The following FAM118B variants were observed in gnomAD, a reference collection of about 807,000 sequenced individuals.
The protein encoded by FAM118B is SIR2 antiphage like 1, also known as protein FAM118B.
FAM118B carries 24 observed loss-of-function variants against 38.5 expected under a neutral mutation model. The observed-to-expected ratio is 0.62, with a 90% CI of 0.45 to 0.88. The LOEUF (loss-of-function observed/expected upper bound fraction) is 0.88, where lower values mean the gene tolerates loss of function less well. Ranked by LOEUF, FAM118B falls within the 40% of genes least tolerant of loss-of-function variation. The pLI, the probability that FAM118B is intolerant of heterozygous loss-of-function variation, is 0.00. For synonymous variants in FAM118B, 138 were observed against 156.3 expected (o/e 0.88, Z 0.87); for missense variants, 334 against 420.0 (o/e 0.80, Z 1.79).
At chr11:126,212,236 C>G (rs1278686422) in intron 1 of FAM118B, among the ~76,000 whole-genome samples, 2 of 152,192 alleles carry the variant, frequency 1.3e-5, no homozygotes, top group Non-Finnish European at 2.9e-5. Context: ...CTTCCCTTAT[C>G]CAGGGCCCCC....
chr11:126,251,731 C>CTT lies in FAM118B; in HGVS notation c.567+1014_567+1015dup, dbSNP rs1253065266. On this transcript the variant is annotated intron_variant, in intron 5 of 8. Transcript: ENST00000533050. ...TGTAGCACTTAGTATTAACTTGCAG[C>CTT]TTTTTTTTTTTTTTTTTGAGAGACA... 1.8e-4 allele frequency among the ~76,000 whole-genome samples: 25 copies of CTT among 137,436 alleles called. No homozygotes were observed. In the South Asian group the frequency reaches 2.3e-3, roughly 13 times the overall value. 90.2% of individuals were successfully genotyped at this position (137,436 alleles called of 152,430 possible). A position where few individuals can be genotyped will look rare whatever the true frequency, so the allele number is the denominator to read the frequency against.
At chr11:126,240,717 C>T in intron 3 of FAM118B, 75 bp from the exon 4 acceptor site, 8 of 1,419,190 alleles carry the variant, frequency 5.6e-6, no homozygotes, top group Non-Finnish European at 7.5e-6. Context: ...AAACTGTAAC[C>T]TGAGTCAGAC....
intron 1 of FAM118B, among the ~76,000 whole-genome samples, chr11:126,212,518 A>G (rs1428604210): frequency 6.6e-6 from 1 of 152,214 alleles, no homozygotes; most frequent in East Asian, 1.9e-4. Flanking sequence ...GGTGGCTGGG[A>G]AGATAAACAT....
At chr11:126,218,636 C>A (rs1950014978) in intron 1 of FAM118B, among the ~76,000 whole-genome samples, 1 of 152,004 alleles carries the variant, frequency 6.6e-6, no homozygotes, top group African/African-American at 2.4e-5. Context: ...TGTGGGATTT[C>A]TTTGAATGTC....
chr11:126,222,921 TA>T (rs1950083639), intron 1 of FAM118B, among the ~76,000 whole-genome samples: 1 of 152,152 alleles, frequency 6.6e-6, no homozygotes, highest in African/African-American at 2.4e-5. Flanking sequence ...TAATTGCAAG[TA>T]CTGTGAGATA....
chr11:126,230,059 C>G (rs1565328774), intron 2 of FAM118B, among the ~76,000 whole-genome samples: 1 of 152,102 alleles, frequency 6.6e-6, no homozygotes, highest in Non-Finnish European at 1.5e-5. Context: ...AGGAGCCAAT[C>G]GAGTTCACCA....
chr11:126,229,938 G>A (rs1050721006), intron 2 of FAM118B, among the ~76,000 whole-genome samples: 1 of 152,232 alleles, frequency 6.6e-6, no homozygotes, highest in Non-Finnish European at 1.5e-5. Flanking sequence ...AGTGGCATCA[G>A]TCTGGCATTT....
Position 126,240,966 on chromosome 11 carries a change from CA to C in FAM118B, c.266del (p.Lys89SerfsTer64), listed in dbSNP as rs760220899. ...DFDLLEDEES[K>X]KFQKCLHEDK... is the part of the protein sequence containing the mutation. ...TTGATCTTTTAGAAGATGAGGAGAG[CA>C]AAAAGTTTCAGAAATGTCTCCATGA... On this transcript the variant is annotated frameshift_variant, in exon 4 of 9. Coordinates refer to ENST00000533050, the MANE Select transcript of FAM118B (RefSeq NM_024556.4). LOFTEE classifies it high-confidence loss of function. The C allele has an allele frequency of 6.8e-6, 11 of 1,613,722 alleles. No individual in the cohort carries two copies. The highest frequency in any genetic ancestry group is 1.3e-5 in the African/African-American group (1 of 74,876).
At position 126,252,801 on chromosome 11, in the gene FAM118B, G is replaced by A. The variant is rs927611903; in HGVS notation, c.568-1504G>A. Among the ~76,000 whole-genome samples, 10 of 152,144 alleles carry A rather than the reference G, an allele frequency of 6.6e-5. No homozygotes were observed. Among genetic ancestry groups the A allele is most frequent in the African/African-American group, 1.4e-4 (6 of 41,432 alleles). ...TGTAATCCCAGCATTTTGGGTGGCC[G>A]AGGTGGGTGGATCACTTGAGGTCAG... is the stretch of plus-strand genomic sequence containing the variant. On this transcript the variant is annotated intron_variant, in intron 5 of 8. Coordinates refer to ENST00000533050, the MANE Select transcript of FAM118B (RefSeq NM_024556.4). This position sits in a 1 kb window ranked among gnomAD's most constrained non-coding sequence, Gnocchi z 4.7.
intron 7 of FAM118B, among the ~76,000 whole-genome samples, chr11:126,259,881 C>T (rs1002906256): frequency 4.0e-5 from 6 of 151,420 alleles, no homozygotes; most frequent in Non-Finnish European, 8.8e-5. Context: ...CCACCACACC[C>T]GGCTAATTTT....
At chr11:126,216,157 C>T (rs769643609) in intron 1 of FAM118B, among the ~76,000 whole-genome samples, 5 of 152,166 alleles carry the variant, frequency 3.3e-5, no homozygotes, top group Non-Finnish European at 5.9e-5. Context: ...AGGTGGATTG[C>T]CTGAGGTCAG....
intron 1 of FAM118B, among the ~76,000 whole-genome samples, chr11:126,222,761 C>T (rs542592671): frequency 7.9e-5 from 12 of 152,196 alleles, no homozygotes; most frequent in Non-Finnish European, 1.8e-4. Context: ...GGTAGATACA[C>T]ACTCATTCCA....
intron 3 of FAM118B, among the ~76,000 whole-genome samples, chr11:126,238,895 AG>A (rs1691951197): frequency 6.6e-6 from 1 of 151,892 alleles, no homozygotes; most frequent in Non-Finnish European, 1.5e-5. Flanking sequence ...AAAAAAAAAA[AG>A]TAACTATTAT....
rs73631751 is a variant in FAM118B at position 126,227,622 on chromosome 11, C to T, written c.-76-1603C>T. ...TAAGAATAACTGTAACACGAATCTA[C>T]TTCATATCTTTCTTATCCTTCTGTT... On this transcript the variant is annotated intron_variant, in intron 1 of 8. Transcript: ENST00000533050. Among the ~76,000 whole-genome samples the T allele has an allele frequency of 3.0e-3, 463 of 152,082 alleles. 1 individual carries two copies. Among genetic ancestry groups the T allele is most frequent in the African/African-American group, 0.011 (446 of 41,474 alleles).
Position 126,250,458 on chromosome 11 carries a change from C to A in FAM118B, c.340-48C>A. The A allele has an allele frequency of 7.5e-7, 1 of 1,334,782 alleles. No individual in the cohort carries two copies. Among genetic ancestry groups the A allele is most frequent in the Non-Finnish European group, 1.1e-6 (1 of 937,142 alleles). The allele number at this position is 1,334,782 out of a possible 1,614,324, so 82.7% of individuals were successfully genotyped here. A position where few individuals can be genotyped will look rare whatever the true frequency, so the allele number is the denominator to read the frequency against. On this transcript the variant is annotated intron_variant, in intron 4 of 8. Transcript: ENST00000533050. This position sits in a 1 kb window ranked among gnomAD's most constrained non-coding sequence, Gnocchi z 5.1. ...TACTGCTGTAACTAAAACAACTGAC[C>A]TACCAAAGCACTTTGGACTAATTTT...
chr11:126,220,046 A>G (rs931536605), intron 1 of FAM118B, among the ~76,000 whole-genome samples: 3 of 152,198 alleles, frequency 2.0e-5, no homozygotes, highest in African/African-American at 7.2e-5. Flanking sequence ...AGATACTCAG[A>G]CTTATTCCGA....
chr11:126,236,665 A>G (rs1481513750), intron 3 of FAM118B, among the ~76,000 whole-genome samples: 9 of 152,040 alleles, frequency 5.9e-5, no homozygotes, highest in Admixed American at 5.9e-4. Flanking sequence ...ACTTTCCATT[A>G]CAATGTTTTT....
Position 126,262,465 on chromosome 11 carries a change from G to T in FAM118B, c.*332G>T, listed in dbSNP as rs1033686389. ...TGACCGGCTGCAGCTCTGCATGAAG[G>T]ACTCGGGGTCTGGATGCCATGGAAT... On this transcript the variant is annotated 3_prime_UTR_variant, in exon 9 of 9. Coordinates refer to ENST00000533050, the MANE Select transcript of FAM118B (RefSeq NM_024556.4). The T allele has an allele frequency of 2.8e-5, 10 of 352,562 alleles. No homozygotes were observed. Among genetic ancestry groups the T allele is most frequent in the Non-Finnish European group, 3.1e-5 (6 of 195,166 alleles). 21.8% of individuals were successfully genotyped at this position (352,562 alleles called of 1,614,324 possible). A position where few individuals can be genotyped will look rare whatever the true frequency, so the allele number is the denominator to read the frequency against.
intron 5 of FAM118B, 43 bp from the exon 6 acceptor site, chr11:126,254,262 C>G (rs1028014331): frequency 6.3e-7 from 1 of 1,598,646 alleles, no homozygotes; most frequent in Admixed American, 1.7e-5. Context: ...TAAACAGGTG[C>G]TCAGCCCTGC....
Sources: allele counts gnomAD v4.1 joint callset (sites outside exome capture counted in the v4.1 genomes callset), GRCh38; gene constraint gnomAD v4.1.1; non-coding constraint Gnocchi (gnomAD v3.1); transcripts MANE v1.5; gene names NCBI Gene and HGNC (gene_info 2026-07-23, HGNC 2026-07-21).